Variants in TTC29 observed in about 807,000 individuals in gnomAD.
The protein encoded by TTC29 is tetratricopeptide repeat domain 29, also known as tetratricopeptide repeat protein 29.
A neutral mutation model predicts 58.1 loss-of-function variants in TTC29; 49 were observed. That is an observed-to-expected ratio of 0.84 (90% CI 0.67 to 1.07). The LOEUF is 1.07. TTC29 is among the 50% of genes least tolerant of loss of function. The pLI, the probability that TTC29 is intolerant of heterozygous loss-of-function variation, is 0.00. For synonymous variants in TTC29, 209 were observed against 196.8 expected (o/e 1.06, Z -0.52); for missense variants, 582 against 555.6 (o/e 1.05, Z -0.48).
chr4:146,894,452 T>G (rs1732616731), intron 6 of TTC29, among the ~76,000 whole-genome samples: 1 of 150,366 alleles, frequency 6.7e-6, no homozygotes, highest in Non-Finnish European at 1.5e-5. Flanking sequence ...ACACCACATG[T>G]TCTCACTCAT....
chr4:146,812,580 C>A (rs1434670053), intron 10 of TTC29, among the ~76,000 whole-genome samples: 1 of 152,064 alleles, frequency 6.6e-6, no homozygotes, highest in African/African-American at 2.4e-5. Flanking sequence ...AAAATGGGAG[C>A]TTTATAATTA....
chr4:146,749,275 T>C (rs1579585659), intron 11 of TTC29, among the ~76,000 whole-genome samples: 1 of 152,082 alleles, frequency 6.6e-6, no homozygotes, highest in African/African-American at 2.4e-5. Context: ...CTCACTGCTG[T>C]GCTCCAGCCT....
At chr4:146,781,812 G>C (rs542076247) in intron 11 of TTC29, among the ~76,000 whole-genome samples, 11 of 151,994 alleles carry the variant, frequency 7.2e-5, no homozygotes, top group Non-Finnish European at 1.3e-4. Flanking sequence ...ATTCCACCTA[G>C]CTGTGCACAT....
intron 8 of TTC29, among the ~76,000 whole-genome samples, chr4:146,867,222 G>C (rs921460104): frequency 6.6e-6 from 1 of 151,880 alleles, no homozygotes; most frequent in Non-Finnish European, 1.5e-5. Flanking sequence ...TGTTGATATG[G>C]GCATATGGAG....
intron 11 of TTC29, among the ~76,000 whole-genome samples, chr4:146,747,561 C>A (rs1745640950): frequency 6.6e-6 from 1 of 152,204 alleles, no homozygotes. Flanking sequence ...ATTCCCCTGG[C>A]TCCAGAGCAA....
At chr4:146,865,574 G>A (rs763672263) in intron 8 of TTC29, among the ~76,000 whole-genome samples, 1 of 152,126 alleles carries the variant, frequency 6.6e-6, no homozygotes, top group Non-Finnish European at 1.5e-5. Context: ...CTATCTGGGT[G>A]ACAGGATCAA....
rs185171446 is a variant in TTC29, at chr4:146,909,880, A to G, written c.177-631T>C. Reference sequence around the variant, plus strand: ...GGTGCTGAGTTTCCTACTAAGTGCCAGGCGCTGTTCTAGACCAAATAGATT... The same window carrying G: ...GGTGCTGAGTTTCCTACTAAGTGCCGGGCGCTGTTCTAGACCAAATAGATT... On this transcript the variant is annotated intron_variant, in intron 4 of 12. Transcript: ENST00000325106. Among the ~76,000 whole-genome samples, 327 of 152,262 alleles carry G rather than the reference A, an allele frequency of 2.1e-3. 2 individuals carry two copies. The highest frequency in any genetic ancestry group is 7.7e-3 in the African/African-American group (319 of 41,564).
intron 11 of TTC29, among the ~76,000 whole-genome samples, chr4:146,727,369 G>A (rs373752318): frequency 2.0e-5 from 3 of 152,080 alleles, no homozygotes; most frequent in Admixed American, 6.6e-5. Context: ...CCCAAAGTCC[G>A]TAATTTACAT....
chr4:146,738,177 T>C (rs1744863482), intron 11 of TTC29, among the ~76,000 whole-genome samples: 1 of 152,110 alleles, frequency 6.6e-6, no homozygotes, highest in South Asian at 2.1e-4. Flanking sequence ...TAATGTTCCT[T>C]TTAAAAATGA....
chr4:146,860,933 C>T (rs1303613911), intron 8 of TTC29, among the ~76,000 whole-genome samples: 1 of 152,064 alleles, frequency 6.6e-6, no homozygotes, highest in African/African-American at 2.4e-5. Flanking sequence ...ATGGCTACTG[C>T]TTTGTATATG....
chr4:146,779,394 A>G (rs945335749), intron 11 of TTC29, among the ~76,000 whole-genome samples: 1 of 152,154 alleles, frequency 6.6e-6, no homozygotes, highest in Non-Finnish European at 1.5e-5. Context: ...AAAAAATAGG[A>G]GCAATATATT....
chr4:146,905,217 G>A (rs1394390798), intron 5 of TTC29, among the ~76,000 whole-genome samples: 1 of 151,834 alleles, frequency 6.6e-6, no homozygotes, highest in Non-Finnish European at 1.5e-5. Flanking sequence ...CAACACTAAA[G>A]TCTGTTTTGT....
intron 4 of TTC29, among the ~76,000 whole-genome samples, chr4:146,926,072 C>A (rs1734910068): frequency 6.6e-6 from 1 of 152,104 alleles, no homozygotes. Context: ...GAATAGCACA[C>A]AATAATCATT....
intron 8 of TTC29, among the ~76,000 whole-genome samples, chr4:146,841,284 C>A (rs1728835211): frequency 6.6e-6 from 1 of 152,120 alleles, no homozygotes. Flanking sequence ...CAGCGTTGTT[C>A]CTGTGCCTAG....
At chr4:146,899,046 T>C (rs1047923007) in intron 6 of TTC29, among the ~76,000 whole-genome samples, 1 of 152,194 alleles carries the variant, frequency 6.6e-6, no homozygotes, top group African/African-American at 2.4e-5. Context: ...TGAATGCTGG[T>C]GTGGTAAACC....
chr4:146,733,756 T>C (rs1744517395), intron 11 of TTC29, among the ~76,000 whole-genome samples: 1 of 152,156 alleles, frequency 6.6e-6, no homozygotes, highest in African/African-American at 2.4e-5. Context: ...AGATAAATAT[T>C]GAAATAAGCA....
chr4:146,750,447 G>A (rs984230412), intron 11 of TTC29, among the ~76,000 whole-genome samples: 4 of 152,172 alleles, frequency 2.6e-5, no homozygotes, highest in Non-Finnish European at 5.9e-5. Context: ...CTCCTATACT[G>A]TAATGGTGGT....
chr4:146,757,384 G>A (rs985942101), intron 11 of TTC29, among the ~76,000 whole-genome samples: 4 of 152,140 alleles, frequency 2.6e-5, no homozygotes, highest in African/African-American at 9.7e-5. Flanking sequence ...ACTGTGATGT[G>A]AAATATCTAT....
chr4:146,927,443 C>T (rs1735016267), intron 4 of TTC29, among the ~76,000 whole-genome samples: 1 of 152,022 alleles, frequency 6.6e-6, no homozygotes, highest in Non-Finnish European at 1.5e-5. Flanking sequence ...GCAATGCATT[C>T]TTTTCTATCC....
Sources: gnomAD v4.1 joint callset for allele counts (sites outside exome capture counted in the v4.1 genomes callset) on GRCh38, gnomAD v4.1.1 for gene constraint, MANE v1.5 for transcripts, NCBI Gene and HGNC (gene_info 2026-07-23, HGNC 2026-07-21) for gene names.